OLA1: variants seen among roughly 807,000 people sequenced by gnomAD.
The protein encoded by OLA1 is Obg like ATPase 1.
OLA1 carries 14 observed loss-of-function variants against 48.4 expected under a neutral mutation model. The observed-to-expected ratio is 0.29, with a 90% CI of 0.19 to 0.45. OLA1 has a LOEUF of 0.45. OLA1 is among the 20% of genes least tolerant of loss of function. OLA1 has a pLI of 1.00. For synonymous variants in OLA1, 127 were observed against 150.4 expected (o/e 0.84, Z 1.14); for missense variants, 325 against 467.1 (o/e 0.70, Z 2.80).
intron 4 of OLA1, among the ~76,000 whole-genome samples, chr2:174,182,619 T>C (rs1477815709): frequency 1.3e-5 from 2 of 152,198 alleles, no homozygotes; most frequent in Non-Finnish European, 2.9e-5. Flanking sequence ...TGCACACATA[T>C]GACAGCAATG....
chr2:174,144,870 C>T (rs1181187623), intron 4 of OLA1, among the ~76,000 whole-genome samples: 1 of 141,602 alleles, frequency 7.1e-6, no homozygotes, highest in Non-Finnish European at 1.5e-5. Context: ...CTGCTTGAAC[C>T]CGGGAGGTTG....
intron 7 of OLA1, among the ~76,000 whole-genome samples, chr2:174,122,214 C>T (rs1255889542): frequency 6.6e-6 from 1 of 152,162 alleles, no homozygotes; most frequent in Non-Finnish European, 1.5e-5. Context: ...ATAGTAATAT[C>T]AACAGGGCAT....
chr2:174,186,840 C>CGTCCT (rs1441881151), intron 4 of OLA1, among the ~76,000 whole-genome samples: 1 of 152,144 alleles, frequency 6.6e-6, no homozygotes, highest in Non-Finnish European at 1.5e-5. Context: ...AAGTGTGAAA[C>CGTCCT]GTCCTGCAGG....
Position 174,226,885 on chromosome 2 carries a change from G to A in OLA1, c.245+2423C>T, listed in dbSNP as rs562399567. Among the ~76,000 whole-genome samples, 29 of 152,182 alleles carry A rather than the reference G, an allele frequency of 1.9e-4. 1 individual carries two copies. The South Asian group carries it at 5.8e-3, about 31-fold the overall frequency. On this transcript the variant is annotated intron_variant, in intron 3 of 10. Transcript: ENST00000284719. ...ACAGGAGGATTACTTGAGCCCAGGA[G>A]TTCAAGCCAGCCTAGGCAACATGGC...
rs183700139 is a variant in OLA1, at chr2:174,128,268, T to G, written c.550-4593A>C. On this transcript the variant is annotated intron_variant, in intron 5 of 10. Transcript: ENST00000284719. ...ATAAAAAATTAACTGGGCGTGGTGG[T>G]GTGTGTCTGTAGTTCCAGCTACTCA... is the stretch of plus-strand genomic sequence containing the variant. Among the ~76,000 whole-genome samples the G allele has an allele frequency of 3.2e-3, 481 of 151,308 alleles. 1 individual carries two copies. The highest frequency in any genetic ancestry group is 0.011 in the African/African-American group (438 of 41,174).
At chr2:174,096,447 C>A (rs181678116) in intron 7 of OLA1, among the ~76,000 whole-genome samples, 163 of 152,104 alleles carry the variant, frequency 1.1e-3, no homozygotes, top group Non-Finnish European at 1.9e-3. Context: ...AATAAAACCC[C>A]AAAAGTAAAC....
chr2:174,149,320 T>C (rs945479778), intron 4 of OLA1, among the ~76,000 whole-genome samples: 3 of 152,186 alleles, frequency 2.0e-5, no homozygotes, highest in Non-Finnish European at 4.4e-5. Flanking sequence ...TGATTTTCTT[T>C]TATTTTCTCT....
chr2:174,081,845 A>G, intron 8 of OLA1, 79 bp downstream of exon 8: 2 of 1,332,472 alleles, frequency 1.5e-6, no homozygotes, highest in East Asian at 4.6e-5. Flanking sequence ...GTCATTTATT[A>G]TTCTATCAGC....
At chr2:174,131,165 T>C (rs994945162) in intron 5 of OLA1, among the ~76,000 whole-genome samples, 2 of 152,178 alleles carry the variant, frequency 1.3e-5, no homozygotes, top group African/African-American at 4.8e-5. Context: ...TACTTCTGGC[T>C]TCTTTGCATC....
chr2:174,170,817 T>C (rs529605277), intron 4 of OLA1, among the ~76,000 whole-genome samples: 139 of 152,272 alleles, frequency 9.1e-4, no homozygotes, highest in Middle Eastern at 6.8e-3. Flanking sequence ...AGTGGGAGGA[T>C]TGCCTGAGCC....
At chr2:174,093,216 G>C (rs568155073) in intron 7 of OLA1, among the ~76,000 whole-genome samples, 47 of 152,308 alleles carry the variant, frequency 3.1e-4, no homozygotes, top group Non-Finnish European at 6.0e-4. Context: ...TGGGGATTTG[G>C]TGGGAAGATG....
chr2:174,127,482 T>C (rs1686070489), intron 5 of OLA1, among the ~76,000 whole-genome samples: 1 of 152,236 alleles, frequency 6.6e-6, no homozygotes. Context: ...TCATTTATTA[T>C]ACATTCCTAA....
intron 4 of OLA1, among the ~76,000 whole-genome samples, chr2:174,181,538 A>G (rs1687538258): frequency 1.3e-5 from 2 of 152,162 alleles, no homozygotes; most frequent in South Asian, 4.1e-4. Context: ...TGACAGAGGG[A>G]AGCAGATTTC....
intron 7 of OLA1, among the ~76,000 whole-genome samples, chr2:174,115,823 C>T (rs1429932859): frequency 6.6e-6 from 1 of 152,122 alleles, no homozygotes; most frequent in Admixed American, 6.5e-5. Context: ...TTTCCTCTTA[C>T]TCTGCTTTGT....
At chr2:174,209,475 T>C (rs1248079564) in intron 4 of OLA1, among the ~76,000 whole-genome samples, 1 of 152,158 alleles carries the variant, frequency 6.6e-6, no homozygotes, top group Non-Finnish European at 1.5e-5. Context: ...TGGGCCGGGC[T>C]AGGTTTCCTG....
chr2:174,203,251 A>G (rs1447400744), intron 4 of OLA1, among the ~76,000 whole-genome samples: 1 of 152,212 alleles, frequency 6.6e-6, no homozygotes, highest in Non-Finnish European at 1.5e-5. Flanking sequence ...ATAAATTACA[A>G]TGTTAGCAAA....
intron 4 of OLA1, among the ~76,000 whole-genome samples, chr2:174,154,033 AT>A (rs1397132983): frequency 6.6e-6 from 1 of 151,918 alleles, no homozygotes; most frequent in Non-Finnish European, 1.5e-5. Context: ...AGTCTGGCTA[AT>A]TTTTTTGTTT....
chr2:174,193,658 A>C, intron 4 of OLA1, among the ~76,000 whole-genome samples: 1 of 151,882 alleles, frequency 6.6e-6, no homozygotes, highest in African/African-American at 2.4e-5. Flanking sequence ...CAGGCTTTAA[A>C]CTCCTGTAGA....
chr2:174,226,308 AT>A (rs1269709315), intron 3 of OLA1, among the ~76,000 whole-genome samples: 3 of 152,182 alleles, frequency 2.0e-5, no homozygotes, highest in African/African-American at 7.2e-5. Context: ...AAAACTTGAG[AT>A]TTAATTCAGG....
Sources: allele counts gnomAD v4.1 joint callset (sites outside exome capture counted in the v4.1 genomes callset), GRCh38; gene constraint gnomAD v4.1.1; transcripts MANE v1.5; gene names NCBI Gene and HGNC (gene_info 2026-07-23, HGNC 2026-07-21).